The following TUT4 variants were observed in gnomAD, a reference collection of about 807,000 sequenced individuals.
The protein encoded by TUT4 is terminal uridylyltransferase 4.
TUT4 carries 36 observed loss-of-function variants against 192.2 expected under a neutral mutation model. The ratio of observed to expected loss-of-function variants is 0.19; its 90% CI spans 0.14 to 0.25. The LOEUF (loss-of-function observed/expected upper bound fraction) is 0.25. Among genes scored for constraint, TUT4 ranks in the 10% least tolerant of loss-of-function variants. The pLI is 1.00. For synonymous variants in TUT4, 618 were observed against 666.0 expected (o/e 0.93, Z 1.11); for missense variants, 1,493 against 1,957.2 (o/e 0.76, Z 4.47).
At chr1:52,438,074 C>G (rs1320990645) in intron 25 of TUT4, 146 bp downstream of exon 25, 2 of 574,010 alleles carry the variant, frequency 3.5e-6, no homozygotes, top group Non-Finnish European at 3.0e-6. Context: ...TACCCTATTA[C>G]AAAATTCCAC....
intron 1 of TUT4, among the ~76,000 whole-genome samples, chr1:52,541,423 T>C (rs1044950548): frequency 3.3e-5 from 5 of 150,528 alleles, no homozygotes; most frequent in Non-Finnish European, 5.9e-5. Context: ...TCCCAGCTAC[T>C]TGGGAGGCTG....
chr1:52,423,611 T>G lies in TUT4; in HGVS notation c.*324A>C. 1 of 376,116 alleles carries G rather than the reference T, an allele frequency of 2.7e-6. No homozygotes were observed. The highest frequency in any genetic ancestry group is 4.9e-6 in the Non-Finnish European group (1 of 202,404). 23.3% of individuals were successfully genotyped at this position (376,116 alleles called of 1,614,324 possible). The stretch of plus-strand genomic sequence containing the variant: ...TTAAATTCTCTCTTTATACAATTCA[T>G]CAAGGTTAAACAAAACATAAAATTC... On this transcript the variant is annotated 3_prime_UTR_variant, in exon 30 of 30. Transcript: ENST00000257177.
At chr1:52,541,414 C>A (rs1194141933) in intron 1 of TUT4, among the ~76,000 whole-genome samples, 3 of 151,506 alleles carry the variant, frequency 2.0e-5, no homozygotes, top group African/African-American at 7.3e-5. Context: ...CGCCAGTAAT[C>A]CCAGCTACTT....
At position 52,431,212 on chromosome 1, in the gene TUT4, C is replaced by T. The variant is rs761984945; in HGVS notation, c.4512G>A (p.Pro1504=). The part of the protein sequence containing the change: ...LPMHPLQIPA[P]SWPIHGPVIH... ...TCACTGGGCCATGGATGGGCCAGGA[C>T]GGGGCAGGGATCTGGAGAGGGTGCA... Residue 1504 remains proline, a synonymous_variant, in exon 28 of 30, where the codon CCG becomes CCA. Transcript: ENST00000257177. 87 of 1,614,098 alleles carry T rather than the reference C, an allele frequency of 5.4e-5. No homozygotes were observed. In the Admixed American group the frequency reaches 9.8e-4, roughly 18 times the overall value.
chr1:52,516,026 T>A lies in TUT4; in HGVS notation c.747A>T (p.Lys249Asn). 6.2e-7 allele frequency: 1 copy of A among 1,613,390 alleles called. No individual in the cohort carries two copies. The change falls in exon 3 of 30, where the codon AAA (lysine) becomes AAT (asparagine). Residue 249 changes from lysine (K) to asparagine (N), a missense_variant. By Grantham distance (94) the Lys-to-Asn change is moderately conservative. Coordinates refer to ENST00000257177, the MANE Select transcript of TUT4 (RefSeq NM_001009881.3). ...AGTAGTCCATCTCTGAAGAATTTTC[T>A]TTATTAGATTCATCATTCTTCATTT... ...LSKMKNDESNKENSSEMDYLE... is the reference protein window; with the variant it reads ...LSKMKNDESNNENSSEMDYLE...
chr1:52,514,209 G>C (rs1678065917), intron 3 of TUT4, among the ~76,000 whole-genome samples: 1 of 152,180 alleles, frequency 6.6e-6, no homozygotes, highest in African/African-American at 2.4e-5. Context: ...GGGAGGCCAG[G>C]GTGGGTGGAT....
intron 3 of TUT4, 116 bp downstream of exon 3, chr1:52,515,775 A>G: frequency 8.2e-7 from 1 of 1,219,072 alleles, no homozygotes. Context: ...GGAAGTAAGG[A>G]AAGATGAATG....
At chr1:52,432,143 T>C (rs1652292858) in intron 27 of TUT4, 1 of 152,158 alleles carries the variant, frequency 6.6e-6, no homozygotes, top group Non-Finnish European at 1.5e-5. Flanking sequence ...ACTCACGCAG[T>C]TCAAACCTGT....
chr1:52,510,105 A>G (rs1676703401), intron 3 of TUT4, among the ~76,000 whole-genome samples: 1 of 152,084 alleles, frequency 6.6e-6, no homozygotes. Context: ...TGAGCTCAGG[A>G]GTTGAAGACA....
chr1:52,440,232 A>T (rs1476715905), intron 24 of TUT4, among the ~76,000 whole-genome samples: 2 of 152,088 alleles, frequency 1.3e-5, no homozygotes, highest in African/African-American at 4.8e-5. Flanking sequence ...TATATTAAAA[A>T]CCACTGAATT....
At chr1:52,503,977 T>C (rs1261178410) in intron 4 of TUT4, among the ~76,000 whole-genome samples, 2 of 152,248 alleles carry the variant, frequency 1.3e-5, no homozygotes, top group Non-Finnish European at 1.5e-5. Flanking sequence ...CAACTGCTAA[T>C]ATAAGTTCCA....
chr1:52,538,570 T>G (rs1685594428), intron 1 of TUT4: 1 of 148,398 alleles, frequency 6.7e-6, no homozygotes, highest in Admixed American at 6.8e-5. Flanking sequence ...TCACTTGCAC[T>G]TGGGAGGTGA....
intron 24 of TUT4, among the ~76,000 whole-genome samples, chr1:52,444,777 G>A (rs959185099): frequency 5.3e-5 from 8 of 150,746 alleles, no homozygotes; most frequent in African/African-American, 1.2e-4. Flanking sequence ...CTCAAATGTC[G>A]GACTCCAAGT....
chr1:52,480,911 C>T (rs1006571434), intron 11 of TUT4, among the ~76,000 whole-genome samples: 3 of 152,126 alleles, frequency 2.0e-5, no homozygotes, highest in Non-Finnish European at 4.4e-5. Flanking sequence ...CAGAAATGTT[C>T]AGATTTCTGT....
At chr1:52,431,723 C>A (rs10493166) in intron 27 of TUT4, 22,496 of 236,116 alleles carry the variant, frequency 0.095, 1,288 homozygotes, top group East Asian at 0.19. Context: ...AAACTCAAAA[C>A]TTCCATCTAA....
rs1385724827 is a variant in TUT4 at position 52,524,496 on chromosome 1, C to T, written c.718+1067G>A. Among the ~76,000 whole-genome samples the T allele has an allele frequency of 3.3e-5, 5 of 150,412 alleles. No individual in the cohort carries two copies. The East Asian group carries it at 7.8e-4, about 23-fold the overall frequency. ...CCAAGATTGCGCCACTGCACTCCAG[C>T]GTGGGTGACAGAGCGAGACTCCATC... On this transcript the variant is annotated intron_variant, in intron 2 of 29. Coordinates refer to ENST00000257177, the MANE Select transcript of TUT4 (RefSeq NM_001009881.3).
chr1:52,525,812 G>C lies in TUT4; in HGVS notation c.469C>G (p.Pro157Ala). The C allele has an allele frequency of 6.2e-7, 1 of 1,614,110 alleles. No homozygotes were observed. The change falls in exon 2 of 30, where the codon CCA becomes GCA. Residue 157 changes from proline (P) to alanine (A), a missense_variant. Coordinates refer to ENST00000257177, the MANE Select transcript of TUT4 (RefSeq NM_001009881.3). ...QMKSEKVPSS[P>A]AEAEKGPSLL... ...CTGGGTCCCTTTTCTGCTTCTGCTGGTGAACTTGGTACTTTTTCTGACTTC... is the reference window on the plus strand; with the variant it reads ...CTGGGTCCCTTTTCTGCTTCTGCTGCTGAACTTGGTACTTTTTCTGACTTC...
chr1:52,464,417 G>A (rs1663506265), intron 16 of TUT4, among the ~76,000 whole-genome samples: 1 of 152,028 alleles, frequency 6.6e-6, no homozygotes, highest in South Asian at 2.1e-4. Flanking sequence ...ACCATGCCCA[G>A]CTAATTTTTT....
At chr1:52,550,837 A>G (rs930231299) in intron 1 of TUT4, among the ~76,000 whole-genome samples, 1 of 152,188 alleles carries the variant, frequency 6.6e-6, no homozygotes, top group African/African-American at 2.4e-5. Context: ...CTCTGAAACT[A>G]GAAACTTTAA....
Sources: allele counts gnomAD v4.1 joint callset (sites outside exome capture counted in the v4.1 genomes callset), GRCh38; gene constraint gnomAD v4.1.1; transcripts MANE v1.5; gene names NCBI Gene and HGNC (gene_info 2026-07-23, HGNC 2026-07-21).